EMC8: variants seen among roughly 807,000 people sequenced by gnomAD.
EMC8 encodes the protein COX4 neighbor.
EMC8 carries 11 observed loss-of-function variants against 24.3 expected under a neutral mutation model. The ratio of observed to expected loss-of-function variants is 0.45; its 90% CI spans 0.28 to 0.75. The LOEUF is 0.75. Ranked by LOEUF, EMC8 falls within the 30% of genes least tolerant of loss-of-function variation. The pLI is 0.12. For missense variants in EMC8, 277 were observed against 282.7 expected, an observed-to-expected ratio of 0.98 and a Z score of 0.14; for synonymous variants, 145 against 117.7, an observed-to-expected ratio of 1.23 and a Z score of -1.50.
rs1905467831 is a variant in EMC8 at position 85,799,305 on chromosome 16, G to A, written c.-10C>T. The A allele has an allele frequency of 7.0e-6, 11 of 1,568,236 alleles. No individual in the cohort carries two copies. The highest frequency in any genetic ancestry group is 9.5e-6 in the Non-Finnish European group (11 of 1,156,214). On this transcript the variant is annotated 5_prime_UTR_variant, in exon 1 of 5. Transcript: ENST00000253457. The surrounding 1 kb of genome is among the most constrained non-coding windows in gnomAD (Gnocchi z 4.2). Reference sequence around the variant, plus strand: ...GTTTCACCCCGGGCATGCTGACCCGGGAGGGCCCCGGAGGCCCCTGGGCGC... The same window carrying A: ...GTTTCACCCCGGGCATGCTGACCCGAGAGGGCCCCGGAGGCCCCTGGGCGC...
At chr16:85,791,921 A>G (rs1364263504) in intron 1 of EMC8, among the ~76,000 whole-genome samples, 2 of 152,212 alleles carry the variant, frequency 1.3e-5, no homozygotes, top group African/African-American at 4.8e-5. Context: ...TTGCTACATA[A>G]GGCCTGGGGA....
chr16:85,780,692 C>T (rs1003022848), intron 3 of EMC8: 24 of 572,190 alleles, frequency 4.2e-5, no homozygotes, highest in Non-Finnish European at 6.6e-5. Flanking sequence ...TTCACAAAAG[C>T]GAAGCTTCCA....
intron 2 of EMC8, 98 bp downstream of exon 2, chr16:85,788,876 C>G: frequency 1.2e-6 from 1 of 837,412 alleles, no homozygotes; most frequent in Non-Finnish European, 2.1e-6. Context: ...GGGTGTAGGT[C>G]TCACAGGTTT....
chr16:85,790,413 A>G (rs1904950136), intron 1 of EMC8, among the ~76,000 whole-genome samples: 1 of 152,206 alleles, frequency 6.6e-6, no homozygotes, highest in South Asian at 2.1e-4. Context: ...TCATCCACCC[A>G]AAAGATCAGG....
chr16:85,786,042 C>T (rs1597202894), intron 2 of EMC8, among the ~76,000 whole-genome samples: 1 of 152,148 alleles, frequency 6.6e-6, no homozygotes, highest in African/African-American at 2.4e-5. Context: ...TACGTTAGAA[C>T]AGTAATAGAA....
At chr16:85,786,473 G>A (rs1404684102) in intron 2 of EMC8, among the ~76,000 whole-genome samples, 1 of 152,164 alleles carries the variant, frequency 6.6e-6, no homozygotes, top group Admixed American at 6.5e-5. Flanking sequence ...GCATTGCTGT[G>A]AGGATGAAAT....
chr16:85,785,934 T>C (rs983974987), intron 2 of EMC8, among the ~76,000 whole-genome samples: 5 of 152,174 alleles, frequency 3.3e-5, no homozygotes, highest in African/African-American at 9.7e-5. Context: ...TCATATCAAA[T>C]GCTAACTATG....
rs200669944 is a variant in EMC8, at chr16:85,779,804, G to C, written c.537C>G (p.Ser179=). The change falls in exon 5 of 5, where the codon TCC becomes TCG. Residue 179 remains serine, a synonymous_variant. Coordinates refer to ENST00000253457, the MANE Select transcript of EMC8 (RefSeq NM_006067.5). ...TATCGAAATCCACGAGCGTCTCGTAGGACCGGCTGTCCAGGAGCGAGGCTG... is the reference window on the plus strand; with the variant it reads ...TATCGAAATCCACGAGCGTCTCGTACGACCGGCTGTCCAGGAGCGAGGCTG... ...RISASLLDSR[S]YETLVDFDNH... is the part of the protein sequence containing the mutation. The C allele has an allele frequency of 2.0e-4, 323 of 1,614,146 alleles. 1 individual carries two copies. In the East Asian group the frequency reaches 5.9e-3, roughly 30 times the overall value.
intron 2 of EMC8, among the ~76,000 whole-genome samples, chr16:85,785,715 G>A (rs527809027): frequency 2.0e-5 from 3 of 152,286 alleles, no homozygotes; most frequent in Admixed American, 6.5e-5. Flanking sequence ...CTGCCACGCT[G>A]TGGTTCCTGC....
At chr16:85,794,544 C>G (rs1380154706) in intron 1 of EMC8, among the ~76,000 whole-genome samples, 2 of 152,064 alleles carry the variant, frequency 1.3e-5, no homozygotes, top group Non-Finnish European at 2.9e-5. Context: ...AAGAAATCAG[C>G]CGTGCGTGGC....
At position 85,779,811 on chromosome 16, in the gene EMC8, C is replaced by T; in HGVS notation, c.530G>A (p.Ser177Asn). ...ATCCACGAGCGTCTCGTAGGACCGG[C>T]TGTCCAGGAGCGAGGCTGAGATCCT... Reference protein sequence around the residue: ...AQRISASLLDSRSYETLVDFD... With the variant: ...AQRISASLLDNRSYETLVDFD... The change falls in exon 5 of 5, where the codon AGC becomes AAC. Residue 177 changes from serine (S) to asparagine (N), a missense_variant. Physicochemically the swap from Ser to Asn is conservative, Grantham distance 46. Coordinates refer to ENST00000253457, the MANE Select transcript of EMC8 (RefSeq NM_006067.5). The T allele has an allele frequency of 6.2e-7, 1 of 1,614,170 alleles. No individual in the cohort carries two copies. The highest frequency in any genetic ancestry group is 8.5e-7 in the Non-Finnish European group (1 of 1,180,000).
rs533799154 is a variant in EMC8, at chr16:85,779,548, C to G, written c.*160G>C. 90 of 674,984 alleles carry G rather than the reference C, an allele frequency of 1.3e-4. 1 individual carries two copies. In the African/African-American group the frequency reaches 1.6e-3, roughly 12 times the overall value. 41.8% of individuals were successfully genotyped at this position (674,984 alleles called of 1,614,324 possible). A position where few individuals can be genotyped will look rare whatever the true frequency, so the allele number is the denominator to read the frequency against. On this transcript the variant is annotated 3_prime_UTR_variant, in exon 5 of 5. Coordinates refer to ENST00000253457, the MANE Select transcript of EMC8 (RefSeq NM_006067.5). Reference sequence around the variant, plus strand: ...TCTTCTAGAGACTCTGTGTTAAAAACACGACCGACTGAACATTCTGCCCCC... The same window carrying G: ...TCTTCTAGAGACTCTGTGTTAAAAAGACGACCGACTGAACATTCTGCCCCC...
intron 3 of EMC8, chr16:85,780,879 G>C: frequency 2.2e-6 from 1 of 451,722 alleles, no homozygotes; most frequent in East Asian, 4.2e-5. Context: ...CATCTAGAAG[G>C]TGTCTTAACA....
At chr16:85,794,402 G>C (rs550306654) in intron 1 of EMC8, among the ~76,000 whole-genome samples, 11 of 152,288 alleles carry the variant, frequency 7.2e-5, no homozygotes, top group Non-Finnish European at 1.6e-4. Flanking sequence ...TATGAGAAAA[G>C]TCAGGGCTGA....
intron 1 of EMC8, 81 bp downstream of exon 1, chr16:85,798,984 G>T: frequency 9.6e-7 from 1 of 1,047,046 alleles, no homozygotes; most frequent in Non-Finnish European, 1.4e-6. Flanking sequence ...GCTGGAGGGC[G>T]ACCGCTGGGC....
chr16:85,795,698 C>T (rs1245026886), intron 1 of EMC8, among the ~76,000 whole-genome samples: 1 of 152,166 alleles, frequency 6.6e-6, no homozygotes, highest in Non-Finnish European at 1.5e-5. Context: ...TTGCAGTGTC[C>T]TGTATAATAA....
chr16:85,799,303 C>A lies in EMC8; in HGVS notation c.-8G>T. 2 of 1,584,584 alleles carry A rather than the reference C, an allele frequency of 1.3e-6. No homozygotes were observed. The highest frequency in any genetic ancestry group is 1.7e-6 in the Non-Finnish European group (2 of 1,167,566). On this transcript the variant is annotated 5_prime_UTR_variant, in exon 1 of 5. Transcript: ENST00000253457. This position sits in a 1 kb window ranked among gnomAD's most constrained non-coding sequence, Gnocchi z 4.2. ...CAGTTTCACCCCGGGCATGCTGACC[C>A]GGGAGGGCCCCGGAGGCCCCTGGGC...
intron 1 of EMC8, chr16:85,798,736 C>T (rs972466698): frequency 3.3e-6 from 1 of 307,232 alleles, no homozygotes; most frequent in Non-Finnish European, 6.0e-6. Context: ...ACTCGAAATC[C>T]TCAAGGGAAA....
At chr16:85,786,655 C>A (rs1476788603) in intron 2 of EMC8, among the ~76,000 whole-genome samples, 1 of 152,090 alleles carries the variant, frequency 6.6e-6, no homozygotes, top group African/African-American at 2.4e-5. Flanking sequence ...GCTCCGGATG[C>A]ATTTAAAAGT....
Sources: allele counts gnomAD v4.1 joint callset (sites outside exome capture counted in the v4.1 genomes callset), GRCh38; gene constraint gnomAD v4.1.1; non-coding constraint Gnocchi (gnomAD v3.1); transcripts MANE v1.5; gene names NCBI Gene and HGNC (gene_info 2026-07-23, HGNC 2026-07-21).